The following CLSTN2 variants were observed in gnomAD, a reference collection of about 807,000 sequenced individuals.
The protein encoded by CLSTN2 is calsyntenin 2.
Under a neutral mutation model 101.2 loss-of-function variants are expected in CLSTN2, and 48 were observed. That is an observed-to-expected ratio of 0.47 (90% CI 0.38 to 0.60). The LOEUF is 0.60. CLSTN2 is among the 20% of genes least tolerant of loss of function. The pLI is 0.00. For synonymous variants in CLSTN2, 481 were observed against 463.6 expected, an observed-to-expected ratio of 1.04 and a Z score of -0.48; for missense variants, 1,160 against 1,238.2, an observed-to-expected ratio of 0.94 and a Z score of 0.95.
chr3:140,304,959 A>T (rs1159144016), intron 2 of CLSTN2, among the ~76,000 whole-genome samples: 1 of 152,118 alleles, frequency 6.6e-6, no homozygotes, highest in Non-Finnish European at 1.5e-5. Flanking sequence ...ATGTTGCATT[A>T]GAGGCGAGCT....
chr3:140,535,633 AT>A (rs1935343780), intron 9 of CLSTN2, among the ~76,000 whole-genome samples: 1 of 152,228 alleles, frequency 6.6e-6, no homozygotes, highest in African/African-American at 2.4e-5. Flanking sequence ...GAAGTGCCTT[AT>A]GTTGTTTCCT....
intron 1 of CLSTN2, among the ~76,000 whole-genome samples, chr3:140,072,249 A>G (rs938937699): frequency 1.3e-4 from 20 of 152,186 alleles, no homozygotes; most frequent in South Asian, 2.1e-4. Flanking sequence ...TCATTATGTC[A>G]ATGTTGCTGA....
chr3:140,313,794 C>T (rs1182428185), intron 2 of CLSTN2, among the ~76,000 whole-genome samples: 1 of 152,206 alleles, frequency 6.6e-6, no homozygotes, highest in Non-Finnish European at 1.5e-5. Flanking sequence ...ATCTCCAAAT[C>T]ATAGCAAATG....
At chr3:140,194,636 T>C (rs1349055792) in intron 2 of CLSTN2, among the ~76,000 whole-genome samples, 2 of 152,172 alleles carry the variant, frequency 1.3e-5, no homozygotes, top group African/African-American at 2.4e-5. Context: ...TTAAACTTTC[T>C]GTTTTGGTTA....
chr3:140,305,021 G>GACACAC (rs1413792527), intron 2 of CLSTN2, among the ~76,000 whole-genome samples: 1 of 115,606 alleles, frequency 8.7e-6, no homozygotes, highest in African/African-American at 3.4e-5. Flanking sequence ...CACACACACA[G>GACACAC]AGACACACAC....
At chr3:140,203,472 T>G (rs1435572173) in intron 2 of CLSTN2, among the ~76,000 whole-genome samples, 2 of 143,146 alleles carry the variant, frequency 1.4e-5, no homozygotes, top group Non-Finnish European at 3.1e-5. Context: ...TTTTTTTTTT[T>G]TTTTTTTTTT....
chr3:140,378,078 A>G (rs2127471), intron 2 of CLSTN2, among the ~76,000 whole-genome samples: 145,281 of 152,160 alleles, frequency 0.95, 69,709 homozygotes, highest in East Asian at 1. Flanking sequence ...TGCTGTACAG[A>G]TTTGTTGCCT....
At chr3:140,482,624 G>T (rs1033757327) in intron 8 of CLSTN2, among the ~76,000 whole-genome samples, 4 of 152,158 alleles carry the variant, frequency 2.6e-5, no homozygotes, top group African/African-American at 7.2e-5. Context: ...TTCAGAGCCT[G>T]TTATTGGTCT....
At chr3:139,966,633 C>A (rs1251968464) in intron 1 of CLSTN2, among the ~76,000 whole-genome samples, 1 of 152,168 alleles carries the variant, frequency 6.6e-6, no homozygotes, top group Admixed American at 6.5e-5. Flanking sequence ...GCACCATGGT[C>A]TCCTTTGGAG....
At chr3:140,326,017 A>G (rs1282102948) in intron 2 of CLSTN2, among the ~76,000 whole-genome samples, 9 of 152,212 alleles carry the variant, frequency 5.9e-5, no homozygotes, top group Non-Finnish European at 1.5e-5. Flanking sequence ...AATTTCAAAC[A>G]TATACTTTTC....
At chr3:140,425,117 AGG>A (rs1192215221) in intron 5 of CLSTN2, among the ~76,000 whole-genome samples, 1 of 152,236 alleles carries the variant, frequency 6.6e-6, no homozygotes, top group Non-Finnish European at 1.5e-5. Context: ...CCTTTTAAGC[AGG>A]AGGGGATTGC....
At chr3:140,067,747 C>T (rs565362555) in intron 1 of CLSTN2, among the ~76,000 whole-genome samples, 1 of 152,148 alleles carries the variant, frequency 6.6e-6, no homozygotes, top group Admixed American at 6.5e-5. Context: ...CTGGGAGAGA[C>T]GGGGCTGCTT....
intron 8 of CLSTN2, among the ~76,000 whole-genome samples, chr3:140,482,829 C>A (rs1360888066): frequency 1.3e-5 from 2 of 152,046 alleles, no homozygotes; most frequent in East Asian, 3.8e-4. Flanking sequence ...TGATTCTTCT[C>A]TCTTTTCTTC....
intron 2 of CLSTN2, among the ~76,000 whole-genome samples, chr3:140,284,401 A>G (rs910548662): frequency 1.3e-4 from 20 of 152,164 alleles, no homozygotes; most frequent in African/African-American, 4.8e-4. Flanking sequence ...ACAACAGCCA[A>G]TTGTAGAGGT....
At chr3:139,971,264 A>G (rs924008959) in intron 1 of CLSTN2, among the ~76,000 whole-genome samples, 2 of 152,214 alleles carry the variant, frequency 1.3e-5, no homozygotes, top group Non-Finnish European at 2.9e-5. Context: ...GAGGCATCAT[A>G]AAAGAGCAGT....
chr3:140,294,177 A>C (rs1415294486), intron 2 of CLSTN2, among the ~76,000 whole-genome samples: 1 of 152,230 alleles, frequency 6.6e-6, no homozygotes, highest in Non-Finnish European at 1.5e-5. Context: ...TGATGTGACT[A>C]TGAAGTTACC....
chr3:140,327,011 T>C (rs996701081), intron 2 of CLSTN2, among the ~76,000 whole-genome samples: 7 of 152,042 alleles, frequency 4.6e-5, no homozygotes, highest in South Asian at 2.1e-4. Flanking sequence ...ATCTATTACA[T>C]AGAAAAAAAT....
intron 2 of CLSTN2, among the ~76,000 whole-genome samples, chr3:140,229,207 A>T (rs181115017): frequency 2.5e-4 from 38 of 152,298 alleles, no homozygotes; most frequent in Non-Finnish European, 4.3e-4. Context: ...CATATCCAGG[A>T]TTTCCTGGAG....
chr3:140,079,519 G>T (rs917679925), intron 1 of CLSTN2, among the ~76,000 whole-genome samples: 27 of 152,138 alleles, frequency 1.8e-4, no homozygotes, highest in Non-Finnish European at 2.9e-5. Context: ...GGAGGCCAAC[G>T]CAGGGGCAGA....
Sources: gnomAD v4.1 joint callset for allele counts (sites outside exome capture counted in the v4.1 genomes callset) on GRCh38, gnomAD v4.1.1 for gene constraint, MANE v1.5 for transcripts, NCBI Gene and HGNC (gene_info 2026-07-23, HGNC 2026-07-21) for gene names.